POLD3: variants seen among roughly 807,000 people sequenced by gnomAD.
POLD3 encodes DNA polymerase delta 3, accessory subunit.
Under a neutral mutation model 58.2 loss-of-function variants are expected in POLD3, and 19 were observed. That is an observed-to-expected ratio of 0.33 (90% CI 0.23 to 0.48). POLD3 has a LOEUF of 0.48. POLD3 is among the 20% of genes least tolerant of loss of function. The probability of loss-of-function intolerance (pLI) is 0.99; values close to 1 mark genes in which losing one functional copy is unlikely to be tolerated. For synonymous variants in POLD3, 172 were observed against 193.5 expected, an observed-to-expected ratio of 0.89 and a Z score of 0.92; for missense variants, 504 against 545.5, an observed-to-expected ratio of 0.92 and a Z score of 0.76.
intron 8 of POLD3, among the ~76,000 whole-genome samples, chr11:74,628,356 A>G (rs1196026095): frequency 1.3e-5 from 2 of 152,146 alleles, no homozygotes; most frequent in Non-Finnish European, 1.5e-5. Flanking sequence ...TTCTGCTCTT[A>G]TCTTTATTGT....
intron 5 of POLD3, among the ~76,000 whole-genome samples, chr11:74,613,487 C>A (rs574395001): frequency 6.6e-6 from 1 of 152,096 alleles, no homozygotes; most frequent in East Asian, 1.9e-4. Flanking sequence ...GACTATAATG[C>A]GTGTACATTT....
intron 11 of POLD3, among the ~76,000 whole-genome samples, chr11:74,640,231 G>T (rs1052840707): frequency 6.6e-6 from 1 of 152,214 alleles, no homozygotes; most frequent in African/African-American, 2.4e-5. Flanking sequence ...CGGATATAGA[G>T]TTCAGGAAGT....
At chr11:74,627,855 G>C (rs1388719862) in intron 8 of POLD3, among the ~76,000 whole-genome samples, 1 of 152,096 alleles carries the variant, frequency 6.6e-6, no homozygotes, top group Non-Finnish European at 1.5e-5. Context: ...ACCTAACAAT[G>C]CATTTCTCAA....
chr11:74,611,414 CCAAG>C, intron 3 of POLD3, 81 bp from the exon 4 acceptor site: 3 of 797,260 alleles, frequency 3.8e-6, no homozygotes, highest in Admixed American at 2.1e-5. Context: ...AATTTCACAT[CCAAG>C]CACAATTGAA....
intron 2 of POLD3, among the ~76,000 whole-genome samples, chr11:74,594,632 A>G (rs984459534): frequency 2.0e-5 from 3 of 152,230 alleles, no homozygotes; most frequent in African/African-American, 7.2e-5. Flanking sequence ...ATATGAACAT[A>G]TATTTTCAGT....
chr11:74,665,356 A>G (rs2033254990), intron 4 of POLD3, among the ~76,000 whole-genome samples: 1 of 148,602 alleles, frequency 6.7e-6, no homozygotes. Context: ...ATAGAGCCAG[A>G]AGGAGCATTT....
At chr11:74,624,929 CT>C (rs1488729513) in intron 7 of POLD3, among the ~76,000 whole-genome samples, 2 of 152,136 alleles carry the variant, frequency 1.3e-5, no homozygotes, top group Non-Finnish European at 2.9e-5. Flanking sequence ...TTGAACCAAA[CT>C]TCTTTGACTC....
intron 9 of POLD3, among the ~76,000 whole-genome samples, chr11:74,630,389 A>G (rs947082244): frequency 6.6e-6 from 1 of 152,240 alleles, no homozygotes; most frequent in African/African-American, 2.4e-5. Context: ...GACCCAAGAA[A>G]TAGTAGCAGG....
intron 7 of POLD3, among the ~76,000 whole-genome samples, chr11:74,620,493 G>C (rs1377725818): frequency 1.3e-5 from 2 of 151,976 alleles, no homozygotes; most frequent in Non-Finnish European, 2.9e-5. Flanking sequence ...ATCTCTCAAG[G>C]GTCCACAAAA....
chr11:74,625,421 C>A lies in POLD3; in HGVS notation c.747C>A (p.Val249=). Residue 249 remains valine, a synonymous_variant, in exon 8 of 12, where the codon GTC becomes GTA. Coordinates refer to ENST00000263681, the MANE Select transcript of POLD3 (RefSeq NM_006591.3). ...FGKAAMNKFK[V]NLDSEQAVKE... ...CTTTATTTATAGATAAATTTAAAGT[C>A]AATTTGGACTCAGAACAAGCAGTGA... 1 of 1,605,492 alleles carries A rather than the reference C, an allele frequency of 6.2e-7. No individual in the cohort carries two copies. The highest frequency in any genetic ancestry group is 8.5e-7 in the Non-Finnish European group (1 of 1,176,812).
chr11:74,666,292 C>G (rs907323056), intron 4 of POLD3, among the ~76,000 whole-genome samples: 1 of 152,204 alleles, frequency 6.6e-6, no homozygotes, highest in African/African-American at 2.4e-5. Context: ...CCTTTCCCAT[C>G]TTGTTTGTCA....
In POLD3 at chr11:74,604,729, A is replaced by G; in HGVS notation, c.154A>G (p.Asn52Asp). The G allele has an allele frequency of 6.2e-7, 1 of 1,611,432 alleles. No homozygotes were observed. Among genetic ancestry groups the G allele is most frequent in the Non-Finnish European group, 8.5e-7 (1 of 1,177,566 alleles). ...YDYVERKRKE[N>D]SGAQLHVTYL... ...TTATGTTGAAAGGAAACGAAAAGAA[A>G]ATTCAGGAGCCCAACTGCATGTTAC... Residue 52 changes from asparagine (N) to aspartate (D), a missense_variant, in exon 3 of 12, where the codon AAT becomes GAT. Coordinates refer to ENST00000263681, the MANE Select transcript of POLD3 (RefSeq NM_006591.3).
chr11:74,617,590 C>T (rs1287994420), intron 5 of POLD3, among the ~76,000 whole-genome samples: 3 of 152,108 alleles, frequency 2.0e-5, no homozygotes, highest in Admixed American at 1.3e-4. Flanking sequence ...TCAGTAGAGA[C>T]GGGGTTTCAC....
chr11:74,662,661 G>A (rs2033219123), intron 4 of POLD3, among the ~76,000 whole-genome samples: 1 of 152,064 alleles, frequency 6.6e-6, no homozygotes, highest in Non-Finnish European at 1.5e-5. Context: ...AGTGGCACAA[G>A]CACTCCATTA....
Position 74,604,687 on chromosome 11 carries a change from A to T in POLD3, c.117-5A>T, listed in dbSNP as rs771383834. 4 of 1,524,532 alleles carry T rather than the reference A, an allele frequency of 2.6e-6. No homozygotes were observed. Among genetic ancestry groups the T allele is most frequent in the Non-Finnish European group, 3.6e-6 (4 of 1,098,690 alleles). The allele number at this position is 1,524,532 out of a possible 1,614,324, so 94.4% of individuals were successfully genotyped here. A position where few individuals can be genotyped will look rare whatever the true frequency, so the allele number is the denominator to read the frequency against. On this transcript the variant is annotated splice_polypyrimidine_tract_variant and splice_region_variant and intron_variant, in intron 2 of 11. Coordinates refer to ENST00000263681, the MANE Select transcript of POLD3 (RefSeq NM_006591.3). ...CTTACTTGTGCCTTCTTTTCTTTGG[A>T]ATAGGATGCTGTATGATTATGTTGA...
At chr11:74,664,443 G>T (rs186792395) in intron 4 of POLD3, among the ~76,000 whole-genome samples, 209 of 152,206 alleles carry the variant, frequency 1.4e-3, no homozygotes, top group Non-Finnish European at 2.4e-3. Context: ...GCAATAAAAA[G>T]TATAAATTCT....
Position 74,641,979 on chromosome 11 carries a change from CAG to C in POLD3, c.*1214_*1215del. On this transcript the variant is annotated 3_prime_UTR_variant, in exon 12 of 12. Transcript: ENST00000263681. The stretch of plus-strand genomic sequence containing the variant: ...ATTATGGCTGGACAGGCGGTGAGCT[CAG>C]TGGATTGCAGTGGTGTGCTGGTGAT... 1 of 985,394 alleles carries C rather than the reference CAG, an allele frequency of 1.0e-6. No individual in the cohort carries two copies. The highest frequency in any genetic ancestry group is 1.2e-6 in the Non-Finnish European group (1 of 829,950). 61.0% of individuals were successfully genotyped at this position (985,394 alleles called of 1,614,324 possible).
chr11:74,660,711 C>T (rs986015422), intron 4 of POLD3, among the ~76,000 whole-genome samples: 6 of 152,124 alleles, frequency 3.9e-5, no homozygotes, highest in African/African-American at 1.4e-4. Flanking sequence ...GTGCACTCTT[C>T]CTCCTTCTCT....
intron 2 of POLD3, among the ~76,000 whole-genome samples, chr11:74,600,710 C>CTTTTT (rs57206403): frequency 6.3e-5 from 4 of 63,050 alleles, no homozygotes; most frequent in East Asian, 5.0e-4. Flanking sequence ...GAATTCTTTC[C>CTTTTT]TTTTTTTTTT....
Sources: gnomAD v4.1 joint callset for allele counts (sites outside exome capture counted in the v4.1 genomes callset) on GRCh38, gnomAD v4.1.1 for gene constraint, MANE v1.5 for transcripts, NCBI Gene and HGNC (gene_info 2026-07-23, HGNC 2026-07-21) for gene names.